Variants in PGLYRP3 observed in about 807,000 individuals in gnomAD.
The protein encoded by PGLYRP3 is peptidoglycan recognition protein 3.
PGLYRP3 carries 39 observed loss-of-function variants against 36.0 expected under a neutral mutation model. That is an observed-to-expected ratio of 1.08 (90% confidence interval 0.84 to 1.41). The LOEUF (loss-of-function observed/expected upper bound fraction) is 1.41, where lower values mean the gene tolerates loss of function less well. Among genes scored for constraint, PGLYRP3 ranks in the 40% most tolerant of loss-of-function variants. The pLI is 0.00. For missense variants in PGLYRP3, 407 were observed against 427.9 expected (o/e 0.95, Z 0.43); for synonymous variants, 204 against 172.8 (o/e 1.18, Z -1.42).
At position 153,298,128 on chromosome 1, in the gene PGLYRP3, G is replaced by A; in HGVS notation, c.854C>T (p.Pro285Leu). 6.2e-7 allele frequency: 1 copy of A among 1,613,654 alleles called. No individual in the cohort carries two copies. The highest frequency in any genetic ancestry group is 8.5e-7 in the Non-Finnish European group (1 of 1,179,888). ...IAFIGYFVEK[P>L]PNAAALEAAQ... The stretch of plus-strand genomic sequence containing the variant: ...CGCCTCCAGCGCTGCAGCATTTGGA[G>A]GCTTTTCTGCAAAACACATTTTCCC... The change falls in exon 8 of 8, where the codon CCT becomes CTT. Residue 285 changes from proline to leucine, a missense_variant. By Grantham distance (98) the Pro-to-Leu change is moderately conservative. Coordinates refer to ENST00000683862, the MANE Select transcript of PGLYRP3 (RefSeq NM_052891.3).
Position 153,297,815 on chromosome 1 carries a change from G to T in PGLYRP3, c.*141C>A. ...GGGGGCTCCTGGAGGATGTTGGCAGGAAAGGACATGACCATTCAAACCTGA... is the reference window on the plus strand; with the variant it reads ...GGGGGCTCCTGGAGGATGTTGGCAGTAAAGGACATGACCATTCAAACCTGA... On this transcript the variant is annotated 3_prime_UTR_variant, in exon 8 of 8. Coordinates refer to ENST00000683862, the MANE Select transcript of PGLYRP3 (RefSeq NM_052891.3). 1 of 946,334 alleles carries T rather than the reference G, an allele frequency of 1.1e-6. No homozygotes were observed. The highest frequency in any genetic ancestry group is 1.6e-6 in the Non-Finnish European group (1 of 636,166). 58.6% of individuals were successfully genotyped at this position (946,334 alleles called of 1,614,324 possible). A position where few individuals can be genotyped will look rare whatever the true frequency, so the allele number is the denominator to read the frequency against.
rs372567139 is a variant in PGLYRP3 at position 153,297,449 on chromosome 1, GGGGAGA to G, written c.*501_*506del. 8.0e-4 allele frequency among the ~76,000 whole-genome samples: 91 copies of G among 113,268 alleles called. 4 individuals carry two copies. Among genetic ancestry groups the G allele is most frequent in the African/African-American group, 1.2e-3 (31 of 26,916 alleles). The allele number at this position is 113,268 out of a possible 152,430, so 74.3% of individuals were successfully genotyped here. A position where few individuals can be genotyped will look rare whatever the true frequency, so the allele number is the denominator to read the frequency against. ...GCTCACCAGGCAGAGGCGGGGAGAG[GGGGAGA>G]GAGAGAGAGAGAGAGAGAGAGTGAG... is the stretch of plus-strand genomic sequence containing the variant. On this transcript the variant is annotated 3_prime_UTR_variant, in exon 8 of 8. Coordinates refer to ENST00000683862, the MANE Select transcript of PGLYRP3 (RefSeq NM_052891.3).
At chr1:153,302,675 C>A in intron 5 of PGLYRP3, 68 bp from the exon 6 acceptor site, 1 of 1,476,390 alleles carries the variant, frequency 6.8e-7, no homozygotes, top group South Asian at 1.2e-5. Flanking sequence ...TCACTCAACT[C>A]CAGGCTGGAT....
chr1:153,301,856 A>T (rs560340459), intron 6 of PGLYRP3, among the ~76,000 whole-genome samples: 147 of 152,354 alleles, frequency 9.6e-4, no homozygotes, highest in Non-Finnish European at 1.3e-3. Context: ...CAGACCTGGC[A>T]TTAAAGGTAC....
chr1:153,305,584 A>G (rs1571105008), intron 3 of PGLYRP3, among the ~76,000 whole-genome samples: 1 of 152,020 alleles, frequency 6.6e-6, no homozygotes, highest in East Asian at 1.9e-4. Context: ...TTTTTATTCT[A>G]CTTCTTTTAT....
chr1:153,297,820 G>A lies in PGLYRP3; in HGVS notation c.*136C>T, dbSNP rs1659476376. The A allele has an allele frequency of 2.0e-6, 2 of 995,594 alleles. No homozygotes were observed. The highest frequency in any genetic ancestry group is 3.0e-6 in the Non-Finnish European group (2 of 671,598). The allele number at this position is 995,594 out of a possible 1,614,324, so 61.7% of individuals were successfully genotyped here. ...CTCCTGGAGGATGTTGGCAGGAAAGGACATGACCATTCAAACCTGAGAAAG... is the reference window on the plus strand; with the variant it reads ...CTCCTGGAGGATGTTGGCAGGAAAGAACATGACCATTCAAACCTGAGAAAG... On this transcript the variant is annotated 3_prime_UTR_variant, in exon 8 of 8. Coordinates refer to ENST00000683862, the MANE Select transcript of PGLYRP3 (RefSeq NM_052891.3).
At position 153,312,765 on chromosome 1, in the gene PGLYRP3, G is replaced by T. The variant is rs1236754248; in HGVS notation, c.-164C>A. Among the ~76,000 whole-genome samples the T allele has an allele frequency of 6.6e-6, 1 of 152,104 alleles. No individual in the cohort carries two copies. The highest frequency in any genetic ancestry group is 1.5e-5 in the Non-Finnish European group (1 of 68,014). On this transcript the variant is annotated 5_prime_UTR_variant, in exon 1 of 8. Transcript: ENST00000683862. Reference sequence around the variant, plus strand: ...GACCTGCCCTTCTTCTCCAGCTGGTGCCTCCTCAGGCCTTCACTCCCCCTG... The same window carrying T: ...GACCTGCCCTTCTTCTCCAGCTGGTTCCTCCTCAGGCCTTCACTCCCCCTG...
Position 153,297,573 on chromosome 1 carries a change from G to T in PGLYRP3, c.*383C>A, listed in dbSNP as rs1659466422. Reference sequence around the variant, plus strand: ...AAGGAAAGAAAGAAAAAGAAAGAAAGAAAGAAAGAAGAAAGAAAGAAAGAA... The same window carrying T: ...AAGGAAAGAAAGAAAAAGAAAGAAATAAAGAAAGAAGAAAGAAAGAAAGAA... On this transcript the variant is annotated 3_prime_UTR_variant, in exon 8 of 8. Coordinates refer to ENST00000683862, the MANE Select transcript of PGLYRP3 (RefSeq NM_052891.3). Among the ~76,000 whole-genome samples, 1 of 100,704 alleles carries T rather than the reference G, an allele frequency of 9.9e-6. No individual in the cohort carries two copies. Among genetic ancestry groups the T allele is most frequent in the Non-Finnish European group, 2.2e-5 (1 of 45,434 alleles). The allele number at this position is 100,704 out of a possible 152,430, so 66.1% of individuals were successfully genotyped here.
rs781681121 is a variant in PGLYRP3 at position 153,305,092 on chromosome 1, C to T, written c.258-27G>A. 3.2e-6 allele frequency: 5 copies of T among 1,575,298 alleles called. No individual in the cohort carries two copies. The East Asian group carries it at 9.0e-5, about 28-fold the overall frequency. On this transcript the variant is annotated intron_variant, in intron 3 of 7. Transcript: ENST00000683862. ...TGACAAGAAGGAAATAATGATTTTA[C>T]TGCAAATCTCCATAAATGAAAACCT...
At chr1:153,302,730 C>T (rs772375799) in intron 5 of PGLYRP3, 123 bp from the exon 6 acceptor site, 1 of 860,640 alleles carries the variant, frequency 1.2e-6, no homozygotes, top group Non-Finnish European at 1.8e-6. Context: ...CGGGCACATC[C>T]TAATGTAATA....
rs2987761 is a variant in PGLYRP3 at position 153,312,070 on chromosome 1, T to A, written c.-42+573A>T. On this transcript the variant is annotated intron_variant, in intron 1 of 7. Coordinates refer to ENST00000683862, the MANE Select transcript of PGLYRP3 (RefSeq NM_052891.3). ...ACTGGAAGCCACTATCAATTCTGGTTTGCACCCTGGTCACTTAATCACTGT... is the reference window on the plus strand; with the variant it reads ...ACTGGAAGCCACTATCAATTCTGGTATGCACCCTGGTCACTTAATCACTGT... 3.7e-3 allele frequency among the ~76,000 whole-genome samples: 568 copies of A among 152,332 alleles called. 5 individuals carry two copies. Among genetic ancestry groups the A allele is most frequent in the African/African-American group, 0.013 (535 of 41,570 alleles).
At position 153,297,990 on chromosome 1, in the gene PGLYRP3, T is replaced by TTA; in HGVS notation, c.990_991dup (p.Asn331IlefsTer81). ...GAAATGAGGCCAGGTGCTGATGATG[T>TTA]TATACAAAGCCTGCCCAGGGGACAG... On this transcript the variant is annotated frameshift_variant, in exon 8 of 8. Coordinates refer to ENST00000683862, the MANE Select transcript of PGLYRP3 (RefSeq NM_052891.3). LOFTEE classifies it high-confidence loss of function. 2 of 1,613,976 alleles carry TTA rather than the reference T, an allele frequency of 1.2e-6. No individual in the cohort carries two copies. Among genetic ancestry groups the TTA allele is most frequent in the Non-Finnish European group, 1.7e-6 (2 of 1,179,974 alleles).
intron 2 of PGLYRP3, among the ~76,000 whole-genome samples, chr1:153,307,814 G>A (rs768252222): frequency 5.3e-5 from 8 of 152,116 alleles, no homozygotes; most frequent in African/African-American, 2.4e-5. Context: ...TCTTCCGGGC[G>A]AACACTCCCT....
intron 7 of PGLYRP3, 110 bp from the exon 8 acceptor site, chr1:153,298,244 C>G (rs1022489980): frequency 8.4e-7 from 1 of 1,191,312 alleles, no homozygotes; most frequent in Non-Finnish European, 1.2e-6. Flanking sequence ...CGCCCCATTC[C>G]GCCATCACCA....
intron 7 of PGLYRP3, 147 bp from the exon 8 acceptor site, chr1:153,298,281 G>A: frequency 1.1e-6 from 1 of 876,272 alleles, no homozygotes. Context: ...GTAAATTGTG[G>A]CAATCAGGCA....
chr1:153,307,345 T>G (rs900257085), intron 2 of PGLYRP3, 78 bp from the exon 3 acceptor site: 7 of 1,417,314 alleles, frequency 4.9e-6, no homozygotes, highest in Non-Finnish European at 6.8e-6. Flanking sequence ...TGCCCTGACC[T>G]CTCATGCTCA....
chr1:153,312,841 C>G lies in PGLYRP3; in HGVS notation c.-240G>C, dbSNP rs1659929920. Among the ~76,000 whole-genome samples, 1 of 152,190 alleles carries G rather than the reference C, an allele frequency of 6.6e-6. No homozygotes were observed. Among genetic ancestry groups the G allele is most frequent in the Non-Finnish European group, 1.5e-5 (1 of 68,030 alleles). The stretch of plus-strand genomic sequence containing the variant: ...GAATGGAGCACTTGGGCTCTGGCTT[C>G]CCAGAGAGAAGAGGAGAGCCCAGGA... On this transcript the variant is annotated 5_prime_UTR_variant, in exon 1 of 8. Transcript: ENST00000683862.
intron 3 of PGLYRP3, 66 bp from the exon 4 acceptor site, chr1:153,305,131 A>C: frequency 4.6e-6 from 6 of 1,316,000 alleles, no homozygotes; most frequent in Non-Finnish European, 6.4e-6. Context: ...ACTGATCCTC[A>C]AAAGGAAAAG....
intron 7 of PGLYRP3, among the ~76,000 whole-genome samples, chr1:153,298,474 G>A (rs1313290598): frequency 2.0e-5 from 3 of 152,016 alleles, no homozygotes; most frequent in Non-Finnish European, 4.4e-5. Flanking sequence ...CTAACATGGT[G>A]AAACCCCATC....
Sources: gnomAD v4.1 joint callset for allele counts (sites outside exome capture counted in the v4.1 genomes callset) on GRCh38, gnomAD v4.1.1 for gene constraint, MANE v1.5 for transcripts, NCBI Gene and HGNC (gene_info 2026-07-23, HGNC 2026-07-21) for gene names.